The following PHF7 variants were observed in gnomAD, a reference collection of about 807,000 sequenced individuals.
The protein encoded by PHF7 is E3 ubiquitin-protein ligase PHF7.
PHF7 carries 24 observed loss-of-function variants against 47.5 expected under a neutral mutation model. The observed-to-expected ratio is 0.51, with a 90% CI of 0.37 to 0.71. PHF7 has a LOEUF of 0.71. Ranked by LOEUF, PHF7 falls within the 30% of genes least tolerant of loss-of-function variation. The pLI is 0.00. For missense variants in PHF7, 361 were observed against 456.8 expected, an observed-to-expected ratio of 0.79 and a Z score of 1.91; for synonymous variants, 156 against 153.8, an observed-to-expected ratio of 1.01 and a Z score of -0.11.
intron 4 of PHF7, chr3:52,414,882 G>T: frequency 6.3e-6 from 1 of 157,926 alleles, no homozygotes; most frequent in Non-Finnish European, 1.4e-5. Context: ...AGTGACAAAT[G>T]CCACTCCGGA....
chr3:52,420,472 G>A lies in PHF7; in HGVS notation c.413+37G>A, dbSNP rs745547200. The A allele has an allele frequency of 1.9e-6, 3 of 1,609,842 alleles. No homozygotes were observed. In the African/African-American group the frequency reaches 4.0e-5, roughly 22 times the overall value. On this transcript the variant is annotated intron_variant, in intron 6 of 10. Coordinates refer to ENST00000327906, the MANE Select transcript of PHF7 (RefSeq NM_016483.7). ...AAGGGAAAAGTCTGGCTTCCTTTTT[G>A]CAACTTATTATTCAGCCACTAATGA... is the stretch of plus-strand genomic sequence containing the variant.
At chr3:52,418,458 C>T (rs1252310536) in intron 4 of PHF7, among the ~76,000 whole-genome samples, 1 of 152,064 alleles carries the variant, frequency 6.6e-6, no homozygotes, top group Non-Finnish European at 1.5e-5. Context: ...ATGAATGATA[C>T]TTAAAAATAT....
At chr3:52,420,263 G>A (rs1705747001) in intron 5 of PHF7, 48 bp from the exon 6 acceptor site, 7 of 1,599,274 alleles carry the variant, frequency 4.4e-6, no homozygotes, top group South Asian at 3.3e-5. Flanking sequence ...CACTGTGTGT[G>A]TTTGCATTTC....
chr3:52,422,725 A>C (rs778255790), intron 9 of PHF7, 35 bp from the exon 10 acceptor site: 1 of 1,613,030 alleles, frequency 6.2e-7, no homozygotes, highest in Non-Finnish European at 8.5e-7. Flanking sequence ...GGTGTTCTGT[A>C]TGTCTCCACA....
At chr3:52,418,148 A>G (rs1388633552) in intron 4 of PHF7, among the ~76,000 whole-genome samples, 1 of 152,064 alleles carries the variant, frequency 6.6e-6, no homozygotes, top group Non-Finnish European at 1.5e-5. Context: ...TCCTTTTTAT[A>G]TGGTGCTGGA....
intron 2 of PHF7, 37 bp from the exon 3 acceptor site, chr3:52,413,959 C>G: frequency 6.8e-7 from 1 of 1,462,278 alleles, no homozygotes. Flanking sequence ...ACAAGATCCC[C>G]AAAGAACACC....
In PHF7 at chr3:52,414,562, A is replaced by G. The variant is rs200810293; in HGVS notation, c.161A>G (p.Asn54Ser). The G allele has an allele frequency of 3.7e-5, 60 of 1,611,482 alleles. No homozygotes were observed. In the Admixed American group the frequency reaches 7.3e-4, roughly 20 times the overall value. Reference sequence around the variant, plus strand: ...TTAGGGGAATTTCTTCAGAAAGACAATATCAGCGTGCATTATTTCTGTCTT... The same window carrying G: ...TTAGGGGAATTTCTTCAGAAAGACAGTATCAGCGTGCATTATTTCTGTCTT... ...EKLGEFLQKD[N>S]ISVHYFCLIL... Residue 54 changes from asparagine to serine, a missense_variant, in exon 4 of 11, where the codon AAT becomes AGT. Physicochemically the swap from Asn to Ser is conservative, Grantham distance 46 (BLOSUM62 1). Coordinates refer to ENST00000327906, the MANE Select transcript of PHF7 (RefSeq NM_016483.7).
chr3:52,417,569 T>C (rs1705662499), intron 4 of PHF7, among the ~76,000 whole-genome samples: 1 of 152,248 alleles, frequency 6.6e-6, no homozygotes, highest in East Asian at 1.9e-4. Context: ...TTTTATTTCA[T>C]TTTTAAGTTT....
At chr3:52,413,475 GAA>G (rs1198415285) in intron 2 of PHF7, among the ~76,000 whole-genome samples, 1 of 152,202 alleles carries the variant, frequency 6.6e-6, no homozygotes, top group Non-Finnish European at 1.5e-5. Flanking sequence ...ACTGGGGAGA[GAA>G]AGATGCTTAC....
intron 5 of PHF7, 68 bp downstream of exon 5, chr3:52,420,002 T>G (rs963147231): frequency 4.0e-5 from 36 of 910,362 alleles, no homozygotes; most frequent in Non-Finnish European, 5.9e-5. Context: ...CATTCCTGTT[T>G]CTGTTCTCTT....
In PHF7 at chr3:52,412,878, G is replaced by A. The variant is rs201899529; in HGVS notation, c.-2G>A. Reference sequence around the variant, plus strand: ...CAAGAGAGGAGAGAGAGACAGCACCGAATGAAGACTGTAAAAGAAAAGAAG... The same window carrying A: ...CAAGAGAGGAGAGAGAGACAGCACCAAATGAAGACTGTAAAAGAAAAGAAG... On this transcript the variant is annotated 5_prime_UTR_variant, in exon 2 of 11. Transcript: ENST00000327906. 2.6e-5 allele frequency: 41 copies of A among 1,606,748 alleles called. No homozygotes were observed. The highest frequency in any genetic ancestry group is 1.1e-4 in the East Asian group (5 of 44,742).
Position 52,414,028 on chromosome 3 carries a change from G to A in PHF7, c.74G>A (p.Arg25Lys). 6.2e-6 allele frequency: 10 copies of A among 1,612,176 alleles called. No individual in the cohort carries two copies. Among genetic ancestry groups the A allele is most frequent in the Non-Finnish European group, 8.5e-6 (10 of 1,178,248 alleles). Residue 25 changes from arginine to lysine, a missense_variant, in exon 3 of 11, where the codon AGG becomes AAG. By Grantham distance (26) the Arg-to-Lys change is conservative (BLOSUM62 2). Coordinates refer to ENST00000327906, the MANE Select transcript of PHF7 (RefSeq NM_016483.7). ...KSAKTRRVTQ[R>K]KPSSGPVCWL... ...GCCAAGACTAGGAGGGTAACCCAGA[G>A]GAAACCGTCTTCAGGGCCTGGTAAG...
Position 52,419,881 on chromosome 3 carries a change from C to A in PHF7, c.235C>A (p.His79Asn). 1 of 1,610,806 alleles carries A rather than the reference C, an allele frequency of 6.2e-7. No homozygotes were observed. The highest frequency in any genetic ancestry group is 8.5e-7 in the Non-Finnish European group (1 of 1,178,266). Reference protein sequence around the residue: ...PQRGQSNRGFHGFLPEDIKKE... With the variant: ...PQRGQSNRGFNGFLPEDIKKE... ...GAGGGGCCAGTCCAACAGAGGCTTC[C>A]ATGGATTTCTGCCTGAAGACATCAA... Residue 79 changes from histidine to asparagine, a missense_variant, in exon 5 of 11, where the codon CAT (histidine) becomes AAT (asparagine). Physicochemically the swap from His to Asn is moderately conservative, Grantham distance 68. Transcript: ENST00000327906.
intron 10 of PHF7, 69 bp from the exon 11 acceptor site, chr3:52,423,022 G>A: frequency 1.4e-6 from 2 of 1,476,674 alleles, no homozygotes; most frequent in Non-Finnish European, 1.9e-6. Flanking sequence ...TAGCTAGAGA[G>A]GAGCTTAAGG....
chr3:52,415,902 G>C (rs1330143402), intron 4 of PHF7, among the ~76,000 whole-genome samples: 2 of 152,204 alleles, frequency 1.3e-5, no homozygotes, highest in African/African-American at 4.8e-5. Flanking sequence ...CAGATGCCTA[G>C]AAGTGGAATT....
intron 4 of PHF7, among the ~76,000 whole-genome samples, chr3:52,415,719 G>C (rs1177388748): frequency 6.6e-6 from 1 of 152,112 alleles, no homozygotes; most frequent in Non-Finnish European, 1.5e-5. Flanking sequence ...CATAGCTTGT[G>C]CCTTTTTATT....
At chr3:52,421,233 ATTCCT>A (rs1380672200) in intron 7 of PHF7, among the ~76,000 whole-genome samples, 171 bp downstream of exon 7, 1 of 152,212 alleles carries the variant, frequency 6.6e-6, no homozygotes, top group Admixed American at 6.5e-5. Flanking sequence ...GTCTGTGGTC[ATTCCT>A]GGCCTATAGG....
intron 1 of PHF7, among the ~76,000 whole-genome samples, chr3:52,412,510 G>C (rs1340971071): frequency 6.6e-6 from 1 of 152,216 alleles, no homozygotes; most frequent in Admixed American, 6.5e-5. Flanking sequence ...ATGAGAGTTA[G>C]TGTTGGCCTC....
chr3:52,412,392 T>C (rs1036993591), intron 1 of PHF7, among the ~76,000 whole-genome samples: 3 of 152,192 alleles, frequency 2.0e-5, no homozygotes, highest in African/African-American at 7.2e-5. Context: ...AGCCTTTTTT[T>C]CCTGAGTGCT....
Sources: gnomAD v4.1 joint callset for allele counts (sites outside exome capture counted in the v4.1 genomes callset) on GRCh38, gnomAD v4.1.1 for gene constraint, MANE v1.5 for transcripts, NCBI Gene and HGNC (gene_info 2026-07-23, HGNC 2026-07-21) for gene names.